Variants in PHACTR1 observed in about 807,000 individuals in gnomAD.
PHACTR1 encodes phosphatase and actin regulator 1.
Under a neutral mutation model 69.2 loss-of-function variants are expected in PHACTR1, and 16 were observed. That is an observed-to-expected ratio of 0.23 (90% confidence interval 0.16 to 0.35). PHACTR1 has a LOEUF of 0.35. Among genes scored for constraint, PHACTR1 ranks in the 10% least tolerant of loss-of-function variants. The probability of loss-of-function intolerance (pLI) is 1.00; values close to 1 mark genes in which losing one functional copy is unlikely to be tolerated. For missense variants in PHACTR1, 510 were observed against 734.7 expected, an observed-to-expected ratio of 0.69 and a Z score of 3.54; for synonymous variants, 312 against 284.5, an observed-to-expected ratio of 1.10 and a Z score of -0.97.
intron 4 of PHACTR1, among the ~76,000 whole-genome samples, chr6:13,007,658 CTTTTT>C (rs55855505): frequency 9.0e-6 from 1 of 111,592 alleles, no homozygotes; most frequent in Admixed American, 9.4e-5. Context: ...TTTGGAGATC[CTTTTT>C]TTTTTTTTTT....
intron 5 of PHACTR1, among the ~76,000 whole-genome samples, chr6:13,147,209 C>T (rs1823521309): frequency 6.6e-6 from 1 of 152,176 alleles, no homozygotes; most frequent in South Asian, 2.1e-4. Context: ...GGAATTATTT[C>T]TCATAATTCT....
intron 10 of PHACTR1, among the ~76,000 whole-genome samples, chr6:13,242,642 A>G (rs757720881): frequency 1.3e-5 from 2 of 152,244 alleles, no homozygotes; most frequent in Non-Finnish European, 2.9e-5. Context: ...GGAAATCAAA[A>G]TGATCTCAAT....
intron 4 of PHACTR1, among the ~76,000 whole-genome samples, chr6:12,860,224 G>T (rs1382559460): frequency 6.6e-6 from 1 of 152,014 alleles, no homozygotes; most frequent in Non-Finnish European, 1.5e-5. Flanking sequence ...TTGTTCAACT[G>T]CCACTTATGA....
At chr6:13,211,845 C>T in intron 8 of PHACTR1, among the ~76,000 whole-genome samples, 1 of 152,174 alleles carries the variant, frequency 6.6e-6, no homozygotes, top group Admixed American at 6.5e-5. Flanking sequence ...CCCACTACAA[C>T]AGCAAAAGAG....
At chr6:13,034,486 TCA>T (rs1802991981) in intron 4 of PHACTR1, among the ~76,000 whole-genome samples, 1 of 152,220 alleles carries the variant, frequency 6.6e-6, no homozygotes, top group African/African-American at 2.4e-5. Context: ...TCTTGGAGGT[TCA>T]GTTATTACTC....
chr6:13,246,754 C>T lies in PHACTR1; in HGVS notation c.1391+16561C>T, dbSNP rs568515046. Among the ~76,000 whole-genome samples, 11 of 152,320 alleles carry T rather than the reference C, an allele frequency of 7.2e-5. No individual in the cohort carries two copies. Among genetic ancestry groups the T allele is most frequent in the Middle Eastern group, 3.4e-3 (1 of 294 alleles). On this transcript the variant is annotated intron_variant, in intron 10 of 14. Transcript: ENST00000332995. The surrounding 1 kb of genome is among the most constrained non-coding windows in gnomAD (Gnocchi z 4.2). ...GGACCTGAATATTTAAAGAGCAGAACGAGATTACAACTGAGAAATTTGCAG... is the reference window on the plus strand; with the variant it reads ...GGACCTGAATATTTAAAGAGCAGAATGAGATTACAACTGAGAAATTTGCAG...
chr6:12,773,609 G>A (rs1769666504), intron 4 of PHACTR1, among the ~76,000 whole-genome samples: 1 of 152,024 alleles, frequency 6.6e-6, no homozygotes, highest in Non-Finnish European at 1.5e-5. Flanking sequence ...TTAATCTCAT[G>A]GCCCAATTCT....
intron 5 of PHACTR1, among the ~76,000 whole-genome samples, chr6:13,142,565 C>T (rs1024860765): frequency 2.0e-5 from 3 of 152,110 alleles, no homozygotes; most frequent in Non-Finnish European, 4.4e-5. Flanking sequence ...TTCATTTTCA[C>T]TTGATTTTTT....
intron 4 of PHACTR1, among the ~76,000 whole-genome samples, chr6:12,834,624 T>C (rs969633828): frequency 6.6e-6 from 1 of 152,114 alleles, no homozygotes; most frequent in African/African-American, 2.4e-5. Flanking sequence ...TAGCAGTGGG[T>C]GGAAACAAAA....
At chr6:13,079,372 G>A (rs553283036) in intron 5 of PHACTR1, among the ~76,000 whole-genome samples, 5 of 152,214 alleles carry the variant, frequency 3.3e-5, no homozygotes, top group East Asian at 1.9e-4. Flanking sequence ...TTCCATGTGG[G>A]CATATTTACA....
At chr6:13,281,124 C>T in intron 12 of PHACTR1, 1 of 1,289,060 alleles carries the variant, frequency 7.8e-7, no homozygotes, top group Non-Finnish European at 1.0e-6. Context: ...TGACCTGCAG[C>T]ATTTATGCTT....
intron 4 of PHACTR1, among the ~76,000 whole-genome samples, chr6:12,976,922 AT>A (rs1794941897): frequency 6.6e-6 from 1 of 152,158 alleles, no homozygotes. Context: ...ATAGATATGT[AT>A]GTATAGGAAA....
Position 13,007,018 on chromosome 6 carries a change from G to A in PHACTR1, c.251-46347G>A, listed in dbSNP as rs150952432. 8.6e-3 allele frequency among the ~76,000 whole-genome samples: 1,306 copies of A among 152,312 alleles called. 15 individuals carry two copies. The highest frequency in any genetic ancestry group is 0.03 in the African/African-American group (1,229 of 41,558). ...TCTACAATATTTGTTTCACAAAAAT[G>A]AGATCATATTTTAGTCAGTTTTGTG... On this transcript the variant is annotated intron_variant, in intron 4 of 14. Coordinates refer to ENST00000332995, the MANE Select transcript of PHACTR1 (RefSeq NM_030948.6).
At chr6:12,902,404 C>T (rs1226329233) in intron 4 of PHACTR1, among the ~76,000 whole-genome samples, 3 of 152,138 alleles carry the variant, frequency 2.0e-5, no homozygotes, top group Non-Finnish European at 2.9e-5. Context: ...GCCTGGGCGA[C>T]AGAGCAAGAT....
chr6:12,941,235 C>G (rs1179167106), intron 4 of PHACTR1, among the ~76,000 whole-genome samples: 2 of 152,080 alleles, frequency 1.3e-5, no homozygotes, highest in Non-Finnish European at 2.9e-5. Context: ...GCAGTAAAGT[C>G]CTCTTTAAGA....
rs1801007979 is a variant in PHACTR1 at position 13,021,750 on chromosome 6, G to A, written c.251-31615G>A. ...GGACTTTTAAGAAAGAAAGTCAGAAGGTTCTAACTGACTGAGTTGGTGGTC... is the reference window on the plus strand; with the variant it reads ...GGACTTTTAAGAAAGAAAGTCAGAAAGTTCTAACTGACTGAGTTGGTGGTC... On this transcript the variant is annotated intron_variant, in intron 4 of 14. Coordinates refer to ENST00000332995, the MANE Select transcript of PHACTR1 (RefSeq NM_030948.6). Among the ~76,000 whole-genome samples the A allele has an allele frequency of 2.6e-5, 4 of 152,284 alleles. No individual in the cohort carries two copies. In the South Asian group the frequency reaches 8.3e-4, roughly 32 times the overall value.
intron 8 of PHACTR1, among the ~76,000 whole-genome samples, chr6:13,213,088 TTGAG>T (rs547670652): frequency 0.017 from 2,587 of 151,856 alleles, 31 homozygotes; most frequent in African/African-American, 0.023. Flanking sequence ...GCTTATAGGT[TTGAG>T]TGAGTGAGTG....
chr6:12,823,416 G>A (rs2127715268), intron 4 of PHACTR1, among the ~76,000 whole-genome samples: 2 of 152,242 alleles, frequency 1.3e-5, no homozygotes, highest in East Asian at 1.9e-4. Context: ...TAAAATATAA[G>A]AAATGTTCCA....
At chr6:12,761,396 A>G (rs1768006321) in intron 4 of PHACTR1, among the ~76,000 whole-genome samples, 1 of 152,218 alleles carries the variant, frequency 6.6e-6, no homozygotes, top group African/African-American at 2.4e-5. Context: ...CATTTAAGCC[A>G]TTTCCATGCT....
Sources: allele counts gnomAD v4.1 joint callset (sites outside exome capture counted in the v4.1 genomes callset), GRCh38; gene constraint gnomAD v4.1.1; non-coding constraint Gnocchi (gnomAD v3.1); transcripts MANE v1.5; gene names NCBI Gene and HGNC (gene_info 2026-07-23, HGNC 2026-07-21).